The following CLCA2 variants were observed in gnomAD, a reference collection of about 807,000 sequenced individuals.
CLCA2 encodes calcium-activated chloride channel regulator 2.
A neutral mutation model predicts 82.9 loss-of-function variants in CLCA2; 85 were observed. The ratio of observed to expected loss-of-function variants is 1.03; its 90% CI spans 0.86 to 1.23. The LOEUF (loss-of-function observed/expected upper bound fraction) is 1.23. CLCA2 is among the 50% of genes most tolerant of loss of function. The pLI, the probability that CLCA2 is intolerant of heterozygous loss-of-function variation, is 0.00. For synonymous variants in CLCA2, 421 were observed against 391.7 expected (o/e 1.07, Z -0.88); for missense variants, 1,089 against 1,124.8 (o/e 0.97, Z 0.45).
rs533734985 is a variant in CLCA2 at position 86,443,466 on chromosome 1, C to T, written c.1489-321C>T. Among the ~76,000 whole-genome samples, 4 of 152,234 alleles carry T rather than the reference C, an allele frequency of 2.6e-5. No individual in the cohort carries two copies. In the South Asian group the frequency reaches 8.3e-4, roughly 32 times the overall value. On this transcript the variant is annotated intron_variant, in intron 9 of 13. Coordinates refer to ENST00000370565, the MANE Select transcript of CLCA2 (RefSeq NM_006536.7). ...ATTCACAAATGAAAATTTTTAAAAG[C>T]TTGTCATTGTAATTGCTGATCTGAG...
At chr1:86,428,701 A>T (rs1052930763) in intron 3 of CLCA2, 133 bp downstream of exon 3, 3 of 946,384 alleles carry the variant, frequency 3.2e-6, no homozygotes, top group Non-Finnish European at 4.6e-6. Flanking sequence ...GAGATAGGTC[A>T]TATGCCCATG....
intron 10 of CLCA2, among the ~76,000 whole-genome samples, chr1:86,445,978 T>G (rs1662844264): frequency 6.6e-6 from 1 of 152,044 alleles, no homozygotes. Flanking sequence ...CCAAAAGGTA[T>G]TTTGTAAAAC....
At chr1:86,432,278 C>A in intron 4 of CLCA2, 91 bp from the exon 5 acceptor site, 1 of 1,476,040 alleles carries the variant, frequency 6.8e-7, no homozygotes, top group Non-Finnish European at 9.3e-7. Flanking sequence ...TAGCAGGCTA[C>A]AATCCTTGTA....
At position 86,434,679 on chromosome 1, in the gene CLCA2, C is replaced by A. The variant is rs758991075; in HGVS notation, c.906C>A (p.Phe302Leu). The change falls in exon 6 of 14, where the codon TTC becomes TTA. Residue 302 changes from phenylalanine to leucine, a missense_variant. Phe to Leu is a conservative substitution (Grantham distance 22). Transcript: ENST00000370565. ...NGTELPPPPT[F>L]SLVQAGDKVV... Reference sequence around the variant, plus strand: ...CTGAGCTTCCACCTCCTCCCACATTCTCGCTTGTACAGGCTGGTGACAAAG... The same window carrying A: ...CTGAGCTTCCACCTCCTCCCACATTATCGCTTGTACAGGCTGGTGACAAAG... The A allele has an allele frequency of 6.2e-7, 1 of 1,614,038 alleles. No individual in the cohort carries two copies. Among genetic ancestry groups the A allele is most frequent in the East Asian group, 2.2e-5 (1 of 44,894 alleles).
intron 3 of CLCA2, 109 bp from the exon 4 acceptor site, chr1:86,430,753 G>T: frequency 1.2e-6 from 1 of 803,166 alleles, no homozygotes; most frequent in Non-Finnish European, 2.1e-6. Flanking sequence ...TAAACTCTTT[G>T]GTCATTCCAA....
chr1:86,428,590 A>G (rs1662436560), intron 3 of CLCA2, 22 bp downstream of exon 3: 1 of 1,609,178 alleles, frequency 6.2e-7, no homozygotes, highest in Non-Finnish European at 8.5e-7. Flanking sequence ...CAATAAAACA[A>G]TAGCCATTGG....
In CLCA2 at chr1:86,428,959, G is replaced by C. The variant is rs572768660; in HGVS notation, c.475+391G>C. On this transcript the variant is annotated intron_variant, in intron 3 of 13. Coordinates refer to ENST00000370565, the MANE Select transcript of CLCA2 (RefSeq NM_006536.7). ...AAATTAAAGGCATATAGGAGAGACA[G>C]AGACCCTGATGATGGTGCAGGGAGA... is the stretch of plus-strand genomic sequence containing the variant. 6.6e-5 allele frequency among the ~76,000 whole-genome samples: 10 copies of C among 152,294 alleles called. No homozygotes were observed. In the South Asian group the frequency reaches 2.1e-3, roughly 32 times the overall value.
intron 1 of CLCA2, 91 bp downstream of exon 1, chr1:86,424,524 T>C (rs745363730): frequency 4.5e-6 from 5 of 1,114,692 alleles, no homozygotes; most frequent in East Asian, 2.5e-5. Context: ...TGGTTTGTAT[T>C]TGAGTAATAC....
chr1:86,450,332 T>C (rs978207767), intron 11 of CLCA2, among the ~76,000 whole-genome samples: 1 of 152,184 alleles, frequency 6.6e-6, no homozygotes, highest in Non-Finnish European at 1.5e-5. Flanking sequence ...TTTATTAGCA[T>C]GGTACAACTT....
intron 10 of CLCA2, among the ~76,000 whole-genome samples, chr1:86,445,962 GA>G (rs1662843893): frequency 6.6e-6 from 1 of 151,718 alleles, no homozygotes; most frequent in South Asian, 2.1e-4. Flanking sequence ...AAAATATGCA[GA>G]AAACCCAAAA....
At chr1:86,435,991 G>C (rs1478781130) in intron 6 of CLCA2, among the ~76,000 whole-genome samples, 1 of 151,486 alleles carries the variant, frequency 6.6e-6, no homozygotes, top group East Asian at 1.9e-4. Context: ...TCAAATTTCA[G>C]TGCCCACAAA....
chr1:86,436,175 A>C (rs1662606038), intron 6 of CLCA2, among the ~76,000 whole-genome samples: 1 of 152,204 alleles, frequency 6.6e-6, no homozygotes, highest in African/African-American at 2.4e-5. Flanking sequence ...CCTGAGCTAA[A>C]TTCTTGAGGT....
rs757459074 is a variant in CLCA2, at chr1:86,434,625, C to T, written c.852C>T (p.Asp284=). The change falls in exon 6 of 14, where the codon GAC becomes GAT. Residue 284 remains aspartate, a synonymous_variant. Coordinates refer to ENST00000370565, the MANE Select transcript of CLCA2 (RefSeq NM_006536.7). ...SAWDVITDSA[D]FHHSFPMNGT... is the part of the protein sequence containing the mutation. ...GGGATGTAATCACAGACTCTGCTGA[C>T]TTTCACCACAGCTTTCCCATGAATG... The T allele has an allele frequency of 1.2e-6, 2 of 1,614,106 alleles. No homozygotes were observed. Among genetic ancestry groups the T allele is most frequent in the South Asian group, 2.2e-5 (2 of 91,084 alleles).
rs75478528 is a variant in CLCA2, at chr1:86,429,529, A to G, written c.475+961A>G. ...TGAAGAGCAATAGACTATGCCAGGG[A>G]AAGTGGTTCAGCCTGTGGTTAGATA... On this transcript the variant is annotated intron_variant, in intron 3 of 13. Coordinates refer to ENST00000370565, the MANE Select transcript of CLCA2 (RefSeq NM_006536.7). 9.2e-3 allele frequency among the ~76,000 whole-genome samples: 1,398 copies of G among 152,240 alleles called. 22 individuals carry two copies. The highest frequency in any genetic ancestry group is 0.032 in the African/African-American group (1,336 of 41,544).
At chr1:86,428,707 C>A in intron 3 of CLCA2, 139 bp downstream of exon 3, 1 of 897,914 alleles carries the variant, frequency 1.1e-6, no homozygotes, top group Non-Finnish European at 1.6e-6. Flanking sequence ...GGTCATATGC[C>A]CATGCAAAGA....
chr1:86,448,642 G>T (rs1245484784), intron 11 of CLCA2, among the ~76,000 whole-genome samples: 1 of 152,214 alleles, frequency 6.6e-6, no homozygotes, highest in African/African-American at 2.4e-5. Flanking sequence ...TTGTTTCAAA[G>T]TTAATCTTTT....
intron 9 of CLCA2, 25 bp from the exon 10 acceptor site, chr1:86,443,762 C>T (rs1465979840): frequency 1.3e-6 from 2 of 1,563,948 alleles, no homozygotes; most frequent in Non-Finnish European, 1.8e-6. Flanking sequence ...ACCAGAAACT[C>T]TCATATATAT....
chr1:86,428,734 A>C (rs1011433732), intron 3 of CLCA2, among the ~76,000 whole-genome samples, 166 bp downstream of exon 3: 4 of 152,200 alleles, frequency 2.6e-5, no homozygotes, highest in Admixed American at 2.0e-4. Context: ...GCTAAAGTGA[A>C]CTCGAAAGAG....
chr1:86,446,216 C>CTTTTT (rs3086658), intron 10 of CLCA2, among the ~76,000 whole-genome samples: 97 of 108,462 alleles, frequency 8.9e-4, no homozygotes, highest in Non-Finnish European at 1.3e-3. Flanking sequence ...GCTGTGGGAA[C>CTTTTT]TTTTTTTTTT....
Sources: gnomAD v4.1 joint callset for allele counts (sites outside exome capture counted in the v4.1 genomes callset) on GRCh38, gnomAD v4.1.1 for gene constraint, MANE v1.5 for transcripts, NCBI Gene and HGNC (gene_info 2026-07-23, HGNC 2026-07-21) for gene names.